The following KCNMB2 variants were observed in gnomAD, a reference collection of about 807,000 sequenced individuals.
The protein encoded by KCNMB2 is potassium calcium-activated channel subfamily M regulatory beta subunit 2.
KCNMB2 carries 9 observed loss-of-function variants against 24.5 expected under a neutral mutation model. That is an observed-to-expected ratio of 0.37 (90% CI 0.22 to 0.64). KCNMB2 has a LOEUF of 0.64. Among genes scored for constraint, KCNMB2 ranks in the 30% least tolerant of loss-of-function variants. The pLI is 0.63. For synonymous variants in KCNMB2, 109 were observed against 104.4 expected, an observed-to-expected ratio of 1.04 and a Z score of -0.27; for missense variants, 226 against 284.3, an observed-to-expected ratio of 0.79 and a Z score of 1.47.
intron 4 of KCNMB2, among the ~76,000 whole-genome samples, chr3:178,831,676 C>T (rs1467550903): frequency 1.3e-5 from 2 of 152,144 alleles, no homozygotes; most frequent in African/African-American, 4.8e-5. Flanking sequence ...CATATTCTCA[C>T]TTAAAAGTGG....
chr3:178,829,470 A>C (rs1714973216), intron 4 of KCNMB2, among the ~76,000 whole-genome samples: 1 of 152,204 alleles, frequency 6.6e-6, no homozygotes, highest in South Asian at 2.1e-4. Context: ...ATCTCTGAGG[A>C]CTCAACATAA....
At chr3:178,557,462 G>T (rs1235187963) in intron 1 of KCNMB2, among the ~76,000 whole-genome samples, 1 of 152,134 alleles carries the variant, frequency 6.6e-6, no homozygotes, top group East Asian at 1.9e-4. Flanking sequence ...TACATTGAGG[G>T]TGCAAAAGTA....
intron 1 of KCNMB2, among the ~76,000 whole-genome samples, chr3:178,691,105 G>GTTTTTTTTTTTTTTTT (rs1310077931): frequency 9.1e-5 from 3 of 32,956 alleles, no homozygotes; most frequent in African/African-American, 2.3e-4. Context: ...TCCCCATTAA[G>GTTTTTTTTTTTTTTTT]TCTTTTTTTT....
At chr3:178,713,538 T>C (rs541848306) in intron 1 of KCNMB2, among the ~76,000 whole-genome samples, 66 of 152,306 alleles carry the variant, frequency 4.3e-4, no homozygotes, top group African/African-American at 1.6e-3. Context: ...AACACAGATA[T>C]GAACTACTCT....
chr3:178,825,286 GTTTC>G (rs1714789312), intron 2 of KCNMB2, among the ~76,000 whole-genome samples: 1 of 152,180 alleles, frequency 6.6e-6, no homozygotes. Context: ...GAGGGGATTG[GTTTC>G]TTTCTTTAGA....
At chr3:178,680,856 C>A (rs1295817706) in intron 1 of KCNMB2, among the ~76,000 whole-genome samples, 1 of 152,126 alleles carries the variant, frequency 6.6e-6, no homozygotes, top group Non-Finnish European at 1.5e-5. Flanking sequence ...AGGAACGGGG[C>A]CCCCAGATTC....
intron 1 of KCNMB2, among the ~76,000 whole-genome samples, chr3:178,670,890 T>C (rs190025765): frequency 5.9e-5 from 9 of 152,274 alleles, no homozygotes; most frequent in African/African-American, 1.4e-4. Context: ...ACACTTCAGA[T>C]GTTTTTCTGA....
chr3:178,609,353 G>C (rs974493100), intron 1 of KCNMB2, among the ~76,000 whole-genome samples: 1 of 151,728 alleles, frequency 6.6e-6, no homozygotes, highest in Admixed American at 6.6e-5. Flanking sequence ...TTTTCCTATA[G>C]AGTCGTTTGA....
intron 1 of KCNMB2, among the ~76,000 whole-genome samples, chr3:178,665,463 C>G (rs922781873): frequency 6.6e-6 from 1 of 152,050 alleles, no homozygotes; most frequent in Non-Finnish European, 1.5e-5. Flanking sequence ...GTCTGAAGTC[C>G]TTACGTAACA....
intron 1 of KCNMB2, among the ~76,000 whole-genome samples, chr3:178,619,477 AT>A (rs1234918042): frequency 1.3e-5 from 2 of 152,222 alleles, no homozygotes; most frequent in Non-Finnish European, 2.9e-5. Context: ...TACCAAGAGG[AT>A]TAAAATGCTC....
chr3:178,750,515 G>A (rs1253250548), intron 1 of KCNMB2, among the ~76,000 whole-genome samples: 1 of 152,216 alleles, frequency 6.6e-6, no homozygotes, highest in African/African-American at 2.4e-5. Flanking sequence ...CAACAGATCT[G>A]ATTCCAGAGC....
At chr3:178,577,400 T>C (rs1717035471) in intron 1 of KCNMB2, among the ~76,000 whole-genome samples, 1 of 152,054 alleles carries the variant, frequency 6.6e-6, no homozygotes, top group Non-Finnish European at 1.5e-5. Context: ...GATAAATCCA[T>C]AAAGATGAGG....
chr3:178,587,452 TC>T (rs1254170383), intron 1 of KCNMB2, among the ~76,000 whole-genome samples: 1 of 152,100 alleles, frequency 6.6e-6, no homozygotes, highest in Non-Finnish European at 1.5e-5. Flanking sequence ...AGACAGGGTT[TC>T]CCTCTTGTTG....
intron 1 of KCNMB2, among the ~76,000 whole-genome samples, chr3:178,803,693 G>A (rs1356752445): frequency 3.3e-5 from 5 of 152,108 alleles, no homozygotes; most frequent in Admixed American, 2.0e-4. Flanking sequence ...AGTAAGTACC[G>A]AGAACTGGGA....
intron 1 of KCNMB2, among the ~76,000 whole-genome samples, chr3:178,555,416 T>G (rs1716090286): frequency 6.6e-6 from 1 of 152,200 alleles, no homozygotes; most frequent in African/African-American, 2.4e-5. Flanking sequence ...CTTGGGCAAG[T>G]TACTTAATGT....
intron 1 of KCNMB2, among the ~76,000 whole-genome samples, chr3:178,793,070 GCCA>G (rs1490090546): frequency 6.6e-6 from 1 of 152,180 alleles, no homozygotes; most frequent in African/African-American, 2.4e-5. Flanking sequence ...CTGCTGCTGA[GCCA>G]CCATGGAGTC....
chr3:178,601,656 T>C (rs1718087767), intron 1 of KCNMB2, among the ~76,000 whole-genome samples: 3 of 152,168 alleles, frequency 2.0e-5, no homozygotes, highest in Admixed American at 2.0e-4. Flanking sequence ...TACAGAAAAG[T>C]TCCTCATTCT....
At chr3:178,594,862 A>G (rs954512921) in intron 1 of KCNMB2, among the ~76,000 whole-genome samples, 1 of 152,106 alleles carries the variant, frequency 6.6e-6, no homozygotes, top group African/African-American at 2.4e-5. Flanking sequence ...AAAGTTTCAT[A>G]TGAGTATCAT....
At chr3:178,777,682 T>C (rs1712638476) in intron 1 of KCNMB2, among the ~76,000 whole-genome samples, 1 of 152,224 alleles carries the variant, frequency 6.6e-6, no homozygotes, top group Non-Finnish European at 1.5e-5. Context: ...TCATTTACAA[T>C]ATTTCAAAGA....
Sources: gnomAD v4.1 joint callset for allele counts (sites outside exome capture counted in the v4.1 genomes callset) on GRCh38, gnomAD v4.1.1 for gene constraint, MANE v1.5 for transcripts, NCBI Gene and HGNC (gene_info 2026-07-23, HGNC 2026-07-21) for gene names.